The following ZC3H12B variants were observed in gnomAD, a reference collection of about 807,000 sequenced individuals.
ZC3H12B encodes zinc finger CCCH-type containing 12B.
Under a neutral mutation model 43.9 loss-of-function variants are expected in ZC3H12B, and 7 were observed. That is an observed-to-expected ratio of 0.16 (90% confidence interval 0.09 to 0.30). The LOEUF (loss-of-function observed/expected upper bound fraction) is 0.30, where lower values mean the gene tolerates loss of function less well. Among genes scored for constraint, ZC3H12B ranks in the 10% least tolerant of loss-of-function variants. ZC3H12B has a pLI of 1.00. For missense variants in ZC3H12B, 475 were observed against 670.2 expected, an observed-to-expected ratio of 0.71 and a Z score of 3.22; for synonymous variants, 222 against 241.7, an observed-to-expected ratio of 0.92 and a Z score of 0.76.
the ZC3H12B span, among the ~76,000 whole-genome samples, chrX:65,105,646 T>C: frequency 1.8e-5 from 2 of 111,258 alleles, no homozygotes; most frequent in Admixed American, 1.9e-4. Context: ...GGAAATTTGT[T>C]TTCTGGAATC....
chrX:65,291,364 C>T, the ZC3H12B span, among the ~76,000 whole-genome samples: 4 of 111,927 alleles, frequency 3.6e-5, no homozygotes, highest in African/African-American at 9.7e-5. Context: ...AATTGCAGTA[C>T]TATTGAAAAT....
chrX:65,389,150 T>A (rs1357405546), intron 2 of ZC3H12B, among the ~76,000 whole-genome samples: 6 of 112,090 alleles, frequency 5.4e-5, no homozygotes, highest in Non-Finnish European at 1.1e-4. Context: ...AGAACCACTA[T>A]TCTCTTCAAA....
chrX:65,286,829 G>C, the ZC3H12B span, among the ~76,000 whole-genome samples: 3 of 110,450 alleles, frequency 2.7e-5, no homozygotes, highest in Non-Finnish European at 5.7e-5. Flanking sequence ...ACATGTGAAA[G>C]TAAAGGGATG....
At chrX:65,155,201 G>T in the ZC3H12B span, among the ~76,000 whole-genome samples, 1 of 110,167 alleles carries the variant, frequency 9.1e-6, no homozygotes, top group East Asian at 2.9e-4. Flanking sequence ...CAAGCCATCT[G>T]CCCACCTTGG....
chrX:65,147,381 A>G, the ZC3H12B span, among the ~76,000 whole-genome samples: 2 of 111,049 alleles, frequency 1.8e-5, no homozygotes, highest in Non-Finnish European at 3.8e-5. Flanking sequence ...ATCTATTAGG[A>G]TGTACCTGTT....
the ZC3H12B span, among the ~76,000 whole-genome samples, chrX:65,160,582 G>C: frequency 2.7e-5 from 3 of 111,589 alleles, no homozygotes; most frequent in Non-Finnish European, 5.6e-5. Flanking sequence ...ATGGTAGTTT[G>C]TATTTCTGTG....
chrX:65,238,606 G>C, the ZC3H12B span, among the ~76,000 whole-genome samples: 1 of 110,823 alleles, frequency 9.0e-6, no homozygotes, highest in Non-Finnish European at 1.9e-5. Context: ...CTCTGATCTT[G>C]GTTATGTTTT....
the ZC3H12B span, among the ~76,000 whole-genome samples, chrX:65,096,766 A>G: frequency 1.8e-5 from 2 of 111,796 alleles, no homozygotes; most frequent in African/African-American, 6.5e-5. Flanking sequence ...AAACAGTACC[A>G]CTTTTCTCTC....
chrX:65,140,040 G>T, the ZC3H12B span, among the ~76,000 whole-genome samples: 1 of 110,216 alleles, frequency 9.1e-6, no homozygotes, highest in East Asian at 2.9e-4. Flanking sequence ...CTATAAACAG[G>T]GACAGTTTAG....
At chrX:65,123,983 T>G in the ZC3H12B span, among the ~76,000 whole-genome samples, 1 of 110,982 alleles carries the variant, frequency 9.0e-6, no homozygotes, top group East Asian at 2.8e-4. Context: ...ACCCTTTATT[T>G]CTTTCTCTTG....
the ZC3H12B span, among the ~76,000 whole-genome samples, chrX:65,175,157 C>G: frequency 3.6e-5 from 4 of 111,515 alleles, no homozygotes; most frequent in Non-Finnish European, 5.6e-5. Context: ...CTTGCACTTC[C>G]CAGGTGAGGT....
At chrX:65,359,152 C>T in the ZC3H12B span, among the ~76,000 whole-genome samples, 1 of 110,040 alleles carries the variant, frequency 9.1e-6, no homozygotes, top group Non-Finnish European at 1.9e-5. Context: ...GTTGAGACTG[C>T]CTCAGAAAAA....
chrX:65,066,876 G>A, the ZC3H12B span, among the ~76,000 whole-genome samples: 7 of 111,854 alleles, frequency 6.3e-5, no homozygotes, highest in East Asian at 2.8e-4. Context: ...TGGCTACAGC[G>A]GCTTTGCTGC....
the ZC3H12B span, among the ~76,000 whole-genome samples, chrX:65,240,577 C>T: frequency 8.9e-6 from 1 of 111,786 alleles, no homozygotes; most frequent in Non-Finnish European, 1.9e-5. Context: ...AATTCAGCCA[C>T]CTCAGCCTCA....
intron 1 of ZC3H12B, among the ~76,000 whole-genome samples, chrX:65,494,879 C>A (rs2068256708): frequency 9.0e-6 from 1 of 111,390 alleles, no homozygotes; most frequent in Non-Finnish European, 1.9e-5. Context: ...ATATTTATTT[C>A]TGGACTTAGA....
the ZC3H12B span, among the ~76,000 whole-genome samples, chrX:65,317,664 A>C: frequency 9.3e-6 from 1 of 108,088 alleles, no homozygotes; most frequent in African/African-American, 3.4e-5. Context: ...TTCATTTAGA[A>C]TAATAGTCTC....
At chrX:65,406,623 T>TGGGCGGGGCCGGGCGGGGCC (rs1222672651) in intron 3 of ZC3H12B, among the ~76,000 whole-genome samples, 5 of 4,683 alleles carry the variant, frequency 1.1e-3, no homozygotes, top group African/African-American at 3.1e-3. Flanking sequence ...TGGGCGGGAC[T>TGGGCGGGGCCGGGCGGGGCC]GGGCGGGGCC....
chrX:65,227,300 T>G, the ZC3H12B span, among the ~76,000 whole-genome samples: 1 of 111,169 alleles, frequency 9.0e-6, no homozygotes, highest in Non-Finnish European at 1.9e-5. Flanking sequence ...CATAACGAAA[T>G]GAAGGCAGAA....
chrX:65,244,026 G>C, the ZC3H12B span, among the ~76,000 whole-genome samples: 1 of 111,405 alleles, frequency 9.0e-6, no homozygotes, highest in African/African-American at 3.3e-5. Flanking sequence ...CAAAAATATA[G>C]TTAGAGGGTA....
Sources: gnomAD v4.1 joint callset for allele counts (sites outside exome capture counted in the v4.1 genomes callset) on GRCh38, gnomAD v4.1.1 for gene constraint, MANE v1.5 for transcripts, NCBI Gene and HGNC (gene_info 2026-07-23, HGNC 2026-07-21) for gene names.